The following ADAMTS16 variants were observed in gnomAD, a reference collection of about 807,000 sequenced individuals.
ADAMTS16 encodes the protein A disintegrin and metalloproteinase with thrombospondin motifs 16.
Under a neutral mutation model 145.8 loss-of-function variants are expected in ADAMTS16, and 94 were observed. The observed-to-expected ratio is 0.64, with a 90% CI of 0.55 to 0.77. The LOEUF is 0.77. ADAMTS16 is among the 30% of genes least tolerant of loss of function. ADAMTS16 has a pLI of 0.00. For missense variants in ADAMTS16, 1,585 were observed against 1,591.5 expected (o/e 1.00, Z 0.07); for synonymous variants, 659 against 604.3 (o/e 1.09, Z -1.33).
chr5:5,181,285 C>G (rs1342566792), intron 3 of ADAMTS16, among the ~76,000 whole-genome samples: 2 of 152,128 alleles, frequency 1.3e-5, no homozygotes, highest in Non-Finnish European at 2.9e-5. Context: ...TTTACATTTC[C>G]CAGAATGTAA....
At chr5:5,241,715 A>G (rs1399550714) in intron 16 of ADAMTS16, among the ~76,000 whole-genome samples, 1 of 152,232 alleles carries the variant, frequency 6.6e-6, no homozygotes, top group Non-Finnish European at 1.5e-5. Flanking sequence ...AGATTATCAC[A>G]TATACCCCCA....
intron 15 of ADAMTS16, 41 bp downstream of exon 15, chr5:5,239,315 G>A: frequency 6.6e-7 from 1 of 1,508,488 alleles, no homozygotes; most frequent in South Asian, 1.4e-5. Context: ...GGGCAAAGAA[G>A]ATTGTAACTG....
chr5:5,140,836 A>T, intron 2 of ADAMTS16, 70 bp downstream of exon 2: 2 of 1,408,280 alleles, frequency 1.4e-6, no homozygotes, highest in Non-Finnish European at 1.9e-6. Flanking sequence ...CCGCTGGTTT[A>T]TTAGGTGCTG....
At chr5:5,229,715 T>G (rs945004616) in intron 11 of ADAMTS16, among the ~76,000 whole-genome samples, 5 of 152,176 alleles carry the variant, frequency 3.3e-5, no homozygotes, top group African/African-American at 1.2e-4. Flanking sequence ...TTCTTTATCA[T>G]TTAGAGAAAA....
chr5:5,287,002 C>T (rs59992331), intron 18 of ADAMTS16, among the ~76,000 whole-genome samples: 2,368 of 151,804 alleles, frequency 0.016, 74 homozygotes, highest in African/African-American at 0.054. Context: ...CTGAAGGTAT[C>T]TTGAAGAAGA....
chr5:5,145,853 G>A (rs1280441215), intron 2 of ADAMTS16, among the ~76,000 whole-genome samples: 1 of 152,164 alleles, frequency 6.6e-6, no homozygotes, highest in Non-Finnish European at 1.5e-5. Context: ...GTGGCTGGGA[G>A]GGCAGATGAC....
At chr5:5,169,086 T>C (rs914636012) in intron 3 of ADAMTS16, among the ~76,000 whole-genome samples, 20 of 152,160 alleles carry the variant, frequency 1.3e-4, no homozygotes, top group African/African-American at 4.8e-4. Flanking sequence ...GAAACTCAGG[T>C]TGATGGCTTA....
intron 2 of ADAMTS16, 107 bp downstream of exon 2, chr5:5,140,873 T>C (rs1734146326): frequency 2.7e-6 from 3 of 1,121,254 alleles, no homozygotes. Context: ...TGTGGAACCC[T>C]ACTTTTAAGA....
chr5:5,183,131 C>T (rs1215016196), intron 4 of ADAMTS16, among the ~76,000 whole-genome samples: 5 of 152,220 alleles, frequency 3.3e-5, no homozygotes, highest in South Asian at 4.1e-4. Flanking sequence ...CCATCAGTGC[C>T]TTTGTGTCCT....
intron 22 of ADAMTS16, among the ~76,000 whole-genome samples, chr5:5,318,499 G>A (rs1734148421): frequency 6.6e-6 from 1 of 152,156 alleles, no homozygotes; most frequent in Non-Finnish European, 1.5e-5. Flanking sequence ...ACATAAGCGT[G>A]ACTTCTTTCC....
chr5:5,186,100 A>G lies in ADAMTS16; in HGVS notation c.812A>G (p.Tyr271Cys), dbSNP rs370134938. Residue 271 changes from tyrosine to cysteine, a missense_variant, in exon 5 of 23, where the codon TAT (tyrosine) becomes TGT (cysteine). Physicochemically the swap from Tyr to Cys is radical, Grantham distance 194 (BLOSUM62 -2). Around this residue, in one of 3 missense-constraint regions of ADAMTS16, gnomAD observed 453 missense variants for 412.1 expected, o/e 1.10. Coordinates refer to ENST00000274181, the MANE Select transcript of ADAMTS16 (RefSeq NM_139056.4). Reference sequence around the variant, plus strand: ...GACCTCTTCATCTTGCCAGATGAGTATAAGTCTTGCTTACGGCATAAGCGC... The same window carrying G: ...GACCTCTTCATCTTGCCAGATGAGTGTAAGTCTTGCTTACGGCATAAGCGC... The part of the protein sequence containing the change: ...KEDLFILPDE[Y>C]KSCLRHKRSL... The G allele has an allele frequency of 3.8e-5, 62 of 1,613,984 alleles. No individual in the cohort carries two copies. Among genetic ancestry groups the G allele is most frequent in the Admixed American group, 1.3e-4 (8 of 60,002 alleles).
rs746728333 is a variant in ADAMTS16, at chr5:5,200,282, T to A, written c.1451+13T>A. 1 of 1,613,476 alleles carries A rather than the reference T, an allele frequency of 6.2e-7. No homozygotes were observed. The highest frequency in any genetic ancestry group is 8.5e-7 in the Non-Finnish European group (1 of 1,179,734). ...ACAAATTTCTAAGGTAGGAACTCTT[T>A]AAGCTGGTCTTGTGATCTTTCGGGG... On this transcript the variant is annotated intron_variant, in intron 9 of 22. Coordinates refer to ENST00000274181, the MANE Select transcript of ADAMTS16 (RefSeq NM_139056.4).
At chr5:5,315,917 C>T (rs1734041523) in intron 21 of ADAMTS16, among the ~76,000 whole-genome samples, 1 of 152,068 alleles carries the variant, frequency 6.6e-6, no homozygotes, top group Non-Finnish European at 1.5e-5. Flanking sequence ...AAGTTCCAGA[C>T]ACATGCTCAG....
At position 5,200,275 on chromosome 5, in the gene ADAMTS16, A is replaced by C; in HGVS notation, c.1451+6A>C. 6.2e-7 allele frequency: 1 copy of C among 1,613,878 alleles called. No individual in the cohort carries two copies. Among genetic ancestry groups the C allele is most frequent in the South Asian group, 1.1e-5 (1 of 91,048 alleles). On this transcript the variant is annotated splice_donor_region_variant and intron_variant, in intron 9 of 22. Transcript: ENST00000274181. ...TATCTACACAAATTTCTAAGGTAGGAACTCTTTAAGCTGGTCTTGTGATCT... is the reference window on the plus strand; with the variant it reads ...TATCTACACAAATTTCTAAGGTAGGCACTCTTTAAGCTGGTCTTGTGATCT...
chr5:5,208,199 G>A (rs186425656), intron 9 of ADAMTS16, among the ~76,000 whole-genome samples: 2 of 152,298 alleles, frequency 1.3e-5, no homozygotes, highest in South Asian at 2.1e-4. Context: ...AGTGGAACGT[G>A]GGACTGGGGG....
chr5:5,239,991 A>G, intron 16 of ADAMTS16, 66 bp downstream of exon 16: 1 of 1,574,034 alleles, frequency 6.4e-7, no homozygotes, highest in East Asian at 2.3e-5. Flanking sequence ...GTGTAAGTTA[A>G]TGGCTGTTGG....
intron 2 of ADAMTS16, chr5:5,142,181 A>G (rs1734186801): frequency 6.6e-6 from 1 of 152,222 alleles, no homozygotes; most frequent in Admixed American, 6.5e-5. Flanking sequence ...AACACATTAT[A>G]GACACAGAAG....
intron 18 of ADAMTS16, among the ~76,000 whole-genome samples, chr5:5,267,165 G>A (rs1163105709): frequency 6.6e-6 from 1 of 152,176 alleles, no homozygotes; most frequent in African/African-American, 2.4e-5. Context: ...GGGCAGATGG[G>A]CAGGTTGTGG....
intron 3 of ADAMTS16, among the ~76,000 whole-genome samples, chr5:5,154,321 A>C (rs1459535631): frequency 6.6e-6 from 1 of 152,204 alleles, no homozygotes; most frequent in Non-Finnish European, 1.5e-5. Flanking sequence ...GGTGACTAGG[A>C]AATTTAAGGT....
Sources: gnomAD v4.1 joint callset for allele counts (sites outside exome capture counted in the v4.1 genomes callset) on GRCh38, gnomAD v4.1.1 for gene constraint, gnomAD v4.1.1 regional missense constraint, MANE v1.5 for transcripts, NCBI Gene and HGNC (gene_info 2026-07-23, HGNC 2026-07-21) for gene names.